The following PAK3 variants were observed in gnomAD, a reference collection of about 807,000 sequenced individuals.
The protein encoded by PAK3 is p21 (RAC1) activated kinase 3.
Under a neutral mutation model 41.0 loss-of-function variants are expected in PAK3, and 4 were observed. That is an observed-to-expected ratio of 0.10 (90% CI 0.05 to 0.22). The LOEUF (loss-of-function observed/expected upper bound fraction) is 0.22, where lower values mean the gene tolerates loss of function less well. Ranked by LOEUF, PAK3 falls within the 10% of genes least tolerant of loss-of-function variation. PAK3 has a pLI of 1.00. For missense variants in PAK3, 205 were observed against 409.9 expected (o/e 0.50, Z 4.32); for synonymous variants, 146 against 139.6 (o/e 1.05, Z -0.32).
intron 1 of PAK3, among the ~76,000 whole-genome samples, chrX:110,958,178 G>T (rs1311999088): frequency 8.9e-6 from 1 of 111,851 alleles, no homozygotes; most frequent in Non-Finnish European, 1.9e-5. Flanking sequence ...CCATATTCAA[G>T]TGACTAAAAG....
At chrX:111,213,016 T>C (rs1345334770) in intron 16 of PAK3, among the ~76,000 whole-genome samples, 1 of 112,269 alleles carries the variant, frequency 8.9e-6, no homozygotes, top group Admixed American at 9.4e-5. Context: ...CTTAAAATGA[T>C]ATTTATGAAG....
intron 1 of PAK3, among the ~76,000 whole-genome samples, chrX:111,079,425 C>A (rs2092815874): frequency 9.0e-6 from 1 of 111,633 alleles, no homozygotes; most frequent in Admixed American, 9.5e-5. Context: ...AAGAACAAAG[C>A]CTGGATGACA....
At chrX:111,020,391 T>A (rs1271757368) in intron 1 of PAK3, among the ~76,000 whole-genome samples, 1 of 111,377 alleles carries the variant, frequency 9.0e-6, no homozygotes, top group Admixed American at 9.5e-5. Context: ...TTCCAGGAGC[T>A]GAGAGGAGGG....
At chrX:111,130,130 A>G (rs888742882) in intron 5 of PAK3, among the ~76,000 whole-genome samples, 4 of 111,952 alleles carry the variant, frequency 3.6e-5, no homozygotes, top group Admixed American at 9.5e-5. Context: ...GATGAGTAAG[A>G]GGTAACTTCC....
rs1163706124 is a variant in PAK3, at chrX:110,969,175, C to G, written c.-28+24547C>G. ...GTTGGCCAGGCTGGTCTCAAACTCC[C>G]GACCTCAGGTGATCTGCCCACATTG... On this transcript the variant is annotated intron_variant, in intron 1 of 14. Coordinates refer to the PAK3 transcript ENST00000425146. Among the ~76,000 whole-genome samples the G allele has an allele frequency of 4.6e-5, 4 of 87,847 alleles. No individual in the cohort carries two copies. The East Asian group carries it at 1.7e-3, about 37-fold the overall frequency. 76.3% of individuals were successfully genotyped at this position (87,847 alleles called of 115,157 possible).
chrX:110,980,619 T>C (rs1216661789), intron 1 of PAK3, among the ~76,000 whole-genome samples: 3 of 111,871 alleles, frequency 2.7e-5, no homozygotes, highest in Non-Finnish European at 5.6e-5. Flanking sequence ...GACATACACA[T>C]TTAACATACG....
At chrX:111,043,132 A>T (rs1174836271) in intron 1 of PAK3, among the ~76,000 whole-genome samples, 1 of 110,523 alleles carries the variant, frequency 9.0e-6, no homozygotes, top group African/African-American at 3.3e-5. Flanking sequence ...TCTACAAAAA[A>T]AAATGTAAAA....
At chrX:111,099,365 T>C (rs2093078685) in intron 3 of PAK3, among the ~76,000 whole-genome samples, 1 of 111,626 alleles carries the variant, frequency 9.0e-6, no homozygotes, top group African/African-American at 3.3e-5. Flanking sequence ...CAATCTGTGC[T>C]AAACCCAGGG....
intron 1 of PAK3, among the ~76,000 whole-genome samples, chrX:111,014,844 G>A (rs1170734057): frequency 9.0e-6 from 1 of 111,284 alleles, no homozygotes; most frequent in East Asian, 2.8e-4. Context: ...GAGCTGTAAT[G>A]ACTTTATCTT....
intron 1 of PAK3, among the ~76,000 whole-genome samples, chrX:111,066,901 G>A (rs754899205): frequency 3.7e-4 from 41 of 111,582 alleles, no homozygotes; most frequent in Non-Finnish European, 5.8e-4. Context: ...AGTCTCATAC[G>A]TAATATTTTT....
At chrX:111,203,487 T>C (rs766282435) in intron 16 of PAK3, among the ~76,000 whole-genome samples, 49 of 111,756 alleles carry the variant, frequency 4.4e-4, no homozygotes, top group Non-Finnish European at 8.5e-4. Flanking sequence ...TCAGTCTGAC[T>C]ACTCATGATT....
At chrX:111,014,324 C>A (rs2092056265) in intron 1 of PAK3, among the ~76,000 whole-genome samples, 1 of 111,035 alleles carries the variant, frequency 9.0e-6, no homozygotes, top group South Asian at 3.8e-4. Context: ...TCAGCAGCAC[C>A]TTTTTTTTCA....
At chrX:110,997,083 G>T (rs1440432173) in intron 1 of PAK3, among the ~76,000 whole-genome samples, 1 of 111,609 alleles carries the variant, frequency 9.0e-6, no homozygotes, top group African/African-American at 3.3e-5. Flanking sequence ...TCTGTGCAAA[G>T]GTCCTAAGAC....
intron 4 of PAK3, among the ~76,000 whole-genome samples, chrX:111,107,726 C>T (rs935540439): frequency 8.9e-5 from 10 of 111,966 alleles, no homozygotes; most frequent in African/African-American, 3.2e-4. Flanking sequence ...AACTCCCTGC[C>T]ATTAGATTGA....
chrX:111,133,179 C>T (rs1462892307), intron 5 of PAK3, among the ~76,000 whole-genome samples: 1 of 111,733 alleles, frequency 8.9e-6, no homozygotes, highest in Non-Finnish European at 1.9e-5. Flanking sequence ...CATCTTTCTT[C>T]CCTTCCTGAT....
intron 1 of PAK3, among the ~76,000 whole-genome samples, chrX:111,002,823 C>T (rs1235659655): frequency 1.8e-5 from 2 of 111,144 alleles, no homozygotes; most frequent in Non-Finnish European, 3.8e-5. Flanking sequence ...CCCCCATTAG[C>T]CCCTCGCATT....
chrX:111,062,251 CT>C (rs1481988762), intron 1 of PAK3, among the ~76,000 whole-genome samples: 4 of 111,894 alleles, frequency 3.6e-5, no homozygotes. Flanking sequence ...ATGATCACCC[CT>C]TTCTTCTATT....
At chrX:111,209,584 T>C (rs1343361699) in intron 16 of PAK3, among the ~76,000 whole-genome samples, 2 of 112,060 alleles carry the variant, frequency 1.8e-5, no homozygotes, top group East Asian at 5.6e-4. Flanking sequence ...AAATGTGTTT[T>C]GCATCTCAAA....
At chrX:111,188,016 G>C (rs1415068505) in intron 11 of PAK3, among the ~76,000 whole-genome samples, 1 of 107,525 alleles carries the variant, frequency 9.3e-6, no homozygotes, top group Non-Finnish European at 1.9e-5. Context: ...GGGAGGGGAG[G>C]GGAGGAGAAA....
Sources: allele counts gnomAD v4.1 joint callset (sites outside exome capture counted in the v4.1 genomes callset), GRCh38; gene constraint gnomAD v4.1.1; transcripts MANE v1.5; gene names NCBI Gene and HGNC (gene_info 2026-07-23, HGNC 2026-07-21).